TUT4: variants seen among roughly 807,000 people sequenced by gnomAD.
TUT4 encodes the protein terminal uridylyltransferase 4.
TUT4 carries 36 observed loss-of-function variants against 192.2 expected under a neutral mutation model. The observed-to-expected ratio is 0.19, with a 90% CI of 0.14 to 0.25. The LOEUF is 0.25. Among genes scored for constraint, TUT4 ranks in the 10% least tolerant of loss-of-function variants. The probability of loss-of-function intolerance (pLI) is 1.00; values close to 1 mark genes in which losing one functional copy is unlikely to be tolerated. For missense variants in TUT4, 1,493 were observed against 1,957.2 expected, an observed-to-expected ratio of 0.76 and a Z score of 4.47; for synonymous variants, 618 against 666.0, an observed-to-expected ratio of 0.93 and a Z score of 1.11.
At position 52,475,230 on chromosome 1, in the gene TUT4, T is replaced by C. The variant is rs1366702127; in HGVS notation, c.2329A>G (p.Ile777Val). The C allele has an allele frequency of 1.9e-6, 3 of 1,614,092 alleles. No individual in the cohort carries two copies. Among genetic ancestry groups the C allele is most frequent in the East Asian group, 2.2e-5 (1 of 44,898 alleles). ...ACCAACAAATTGTTGTTGTCAATAA[T>C]ACATCTCTGTGATGTACAGTCCATT... ...DEMDCTSQRC[I>V]IDNNNLLVNE... is the part of the protein sequence containing the mutation. The change falls in exon 13 of 30, where the codon ATT (isoleucine) becomes GTT (valine). Residue 777 changes from isoleucine (I) to valine (V), a missense_variant. Ile to Val is a conservative substitution (Grantham distance 29). Coordinates refer to ENST00000257177, the MANE Select transcript of TUT4 (RefSeq NM_001009881.3).
chr1:52,539,124 A>G (rs753604948), intron 1 of TUT4, among the ~76,000 whole-genome samples: 4 of 152,230 alleles, frequency 2.6e-5, no homozygotes, highest in Non-Finnish European at 4.4e-5. Flanking sequence ...TTACAGTGAA[A>G]TTAGGGATAG....
intron 4 of TUT4, among the ~76,000 whole-genome samples, chr1:52,505,757 G>A (rs887724366): frequency 6.6e-6 from 1 of 151,768 alleles, no homozygotes; most frequent in African/African-American, 2.4e-5. Context: ...TTTTGAAAAC[G>A]CTTTTTCAGC....
At chr1:52,538,669 G>GAAAAAAAAAAAAGAAAAAAAAAA (rs1685649716) in intron 1 of TUT4, 1 of 99,478 alleles carries the variant, frequency 1.0e-5, no homozygotes, top group Non-Finnish European at 2.2e-5. Context: ...GAAAAGAAAA[G>GAAAAAAAAAAAAGAAAAAAAAAA]AAAAAAAAAA....
chr1:52,466,758 C>T (rs1319586821), intron 15 of TUT4, among the ~76,000 whole-genome samples: 6 of 150,642 alleles, frequency 4.0e-5, no homozygotes, highest in Non-Finnish European at 7.4e-5. Flanking sequence ...GCAACCTCTG[C>T]CTCCCAGGTT....
chr1:52,478,821 C>G (rs950071787), intron 11 of TUT4, among the ~76,000 whole-genome samples: 1 of 152,142 alleles, frequency 6.6e-6, no homozygotes, highest in Non-Finnish European at 1.5e-5. Context: ...TTCCATTTTA[C>G]AACTATTCAT....
chr1:52,464,382 G>A (rs561185983), intron 16 of TUT4, among the ~76,000 whole-genome samples: 1 of 152,228 alleles, frequency 6.6e-6, no homozygotes, highest in East Asian at 1.9e-4. Context: ...AGCCTCCTGA[G>A]TAGCTGGGAC....
chr1:52,441,584 C>T (rs1178444026), intron 24 of TUT4, among the ~76,000 whole-genome samples: 1 of 151,412 alleles, frequency 6.6e-6, no homozygotes, highest in Admixed American at 6.6e-5. Context: ...TGAGCCACCG[C>T]GCCTGGCCGG....
rs1157223640 is a variant in TUT4 at position 52,456,411 on chromosome 1, C to CAAAA, written c.3435+1921_3435+1924dup. 5.7e-3 allele frequency among the ~76,000 whole-genome samples: 68 copies of CAAAA among 11,990 alleles called. 8 individuals carry two copies. Among genetic ancestry groups the CAAAA allele is most frequent in the Non-Finnish European group, 0.012 (56 of 4,606 alleles). 7.9% of individuals were successfully genotyped at this position (11,990 alleles called of 152,430 possible). A position where few individuals can be genotyped will look rare whatever the true frequency, so the allele number is the denominator to read the frequency against. On this transcript the variant is annotated intron_variant, in intron 20 of 29. Transcript: ENST00000257177. ...TGGGCAACAGAGCGAGACTGTGTCT[C>CAAAA]AAAAAAAAAAAAAAAAAAAAAAAAA...
intron 20 of TUT4, among the ~76,000 whole-genome samples, chr1:52,455,990 C>G (rs1660821722): frequency 6.6e-6 from 1 of 152,232 alleles, no homozygotes; most frequent in African/African-American, 2.4e-5. Context: ...AACTTGCACA[C>G]AGATGTCTGT....
chr1:52,449,094 C>T (rs1185062338), intron 20 of TUT4, among the ~76,000 whole-genome samples: 1 of 152,076 alleles, frequency 6.6e-6, no homozygotes, highest in Non-Finnish European at 1.5e-5. Context: ...GACACACACA[C>T]ACACACTCTC....
At chr1:52,436,356 T>C (rs896067313) in intron 26 of TUT4, among the ~76,000 whole-genome samples, 3 of 151,948 alleles carry the variant, frequency 2.0e-5, no homozygotes, top group Non-Finnish European at 4.4e-5. Flanking sequence ...CGTGGTGGCA[T>C]GCGCCTGTAA....
In TUT4 at chr1:52,446,450, T is replaced by TAAAAAAA; in HGVS notation, c.3514-15_3514-9dup. The TAAAAAAA allele has an allele frequency of 7.3e-7, 1 of 1,363,410 alleles. No individual in the cohort carries two copies. 84.5% of individuals were successfully genotyped at this position (1,363,410 alleles called of 1,614,324 possible). ...TGAAGGTAAACGCTTTTTCTACATA[T>TAAAAAAA]AAAAAAAAAAAGAAAAGAACAATGT... On this transcript the variant is annotated splice_polypyrimidine_tract_variant and intron_variant, in intron 21 of 29. Transcript: ENST00000257177.
At chr1:52,446,721 T>C in intron 20 of TUT4, 54 bp from the exon 21 acceptor site, 2 of 1,310,304 alleles carry the variant, frequency 1.5e-6, no homozygotes, top group African/African-American at 1.5e-5. Flanking sequence ...AACCCAAAGG[T>C]CCAAATACTC....
At chr1:52,501,229 A>G (rs1471181555) in intron 4 of TUT4, among the ~76,000 whole-genome samples, 1 of 152,234 alleles carries the variant, frequency 6.6e-6, no homozygotes, top group African/African-American at 2.4e-5. Context: ...TAATATCCAG[A>G]ATATATAAAT....
chr1:52,515,781 G>T, intron 3 of TUT4, 110 bp downstream of exon 3: 1 of 1,278,734 alleles, frequency 7.8e-7, no homozygotes, highest in Non-Finnish European at 1.1e-6. Context: ...AAGGAAAGAT[G>T]AATGCAACCT....
intron 24 of TUT4, among the ~76,000 whole-genome samples, chr1:52,441,728 C>T (rs1363214920): frequency 6.6e-6 from 1 of 152,072 alleles, no homozygotes; most frequent in Non-Finnish European, 1.5e-5. Flanking sequence ...TATGACTGTA[C>T]TATATACTTA....
At chr1:52,512,949 T>C (rs1218232109) in intron 3 of TUT4, among the ~76,000 whole-genome samples, 1 of 151,574 alleles carries the variant, frequency 6.6e-6, no homozygotes, top group Non-Finnish European at 1.5e-5. Context: ...CTAAATTTGA[T>C]AAAGAAAAAT....
At chr1:52,472,681 G>C (rs1248473254) in intron 13 of TUT4, among the ~76,000 whole-genome samples, 1 of 151,816 alleles carries the variant, frequency 6.6e-6, no homozygotes, top group Non-Finnish European at 1.5e-5. Flanking sequence ...TTCATACGAA[G>C]AGTAACTTAT....
chr1:52,471,578 T>C (rs568418752), intron 14 of TUT4, among the ~76,000 whole-genome samples: 16 of 152,210 alleles, frequency 1.1e-4, no homozygotes, highest in Non-Finnish European at 1.9e-4. Context: ...TGCTGTCCAA[T>C]GCAGCAGCCA....
Sources: allele counts gnomAD v4.1 joint callset (sites outside exome capture counted in the v4.1 genomes callset), GRCh38; gene constraint gnomAD v4.1.1; transcripts MANE v1.5; gene names NCBI Gene and HGNC (gene_info 2026-07-23, HGNC 2026-07-21).